Variants in KRT73 observed in about 807,000 individuals in gnomAD.
The protein encoded by KRT73 is keratin, type II cytoskeletal 73.
A neutral mutation model predicts 47.2 loss-of-function variants in KRT73; 44 were observed. That is an observed-to-expected ratio of 0.93 (90% CI 0.73 to 1.20). The LOEUF (loss-of-function observed/expected upper bound fraction) is 1.20, where lower values mean the gene tolerates loss of function less well. KRT73 is among the 50% of genes most tolerant of loss of function. The pLI, the probability that KRT73 is intolerant of heterozygous loss-of-function variation, is 0.00. For missense variants in KRT73, 713 were observed against 704.5 expected, an observed-to-expected ratio of 1.01 and a Z score of -0.14; for synonymous variants, 285 against 291.3, an observed-to-expected ratio of 0.98 and a Z score of 0.22.
At chr12:52,615,033 C>T (rs981838335) in intron 3 of KRT73, 9 of 539,782 alleles carry the variant, frequency 1.7e-5, no homozygotes, top group Non-Finnish European at 2.3e-5. Flanking sequence ...CTGTCCTGTT[C>T]CCCAGCCAGA....
chr12:52,625,219 T>C, the KRT73 span, among the ~76,000 whole-genome samples: 1 of 152,084 alleles, frequency 6.6e-6, no homozygotes, highest in Admixed American at 6.6e-5. Flanking sequence ...AGCAATGGAC[T>C]AGGAAAAATT....
At chr12:52,617,996 T>C (rs886442761) in intron 1 of KRT73, 82 bp downstream of exon 1, 60 of 1,447,926 alleles carry the variant, frequency 4.1e-5, no homozygotes, top group Non-Finnish European at 5.6e-5. Flanking sequence ...CTCAGGCAAA[T>C]TGAACCACAA....
intron 1 of KRT73, among the ~76,000 whole-genome samples, chr12:52,616,826 C>T (rs1034449879): frequency 2.6e-5 from 4 of 152,194 alleles, no homozygotes; most frequent in African/African-American, 7.2e-5. Context: ...TGCGTGGGCT[C>T]TCCCAGCCCA....
At chr12:52,609,328 A>C (rs757067251) in intron 7 of KRT73, 47 bp from the exon 8 acceptor site, 1 of 1,543,234 alleles carries the variant, frequency 6.5e-7, no homozygotes, top group Non-Finnish European at 9.0e-7. Flanking sequence ...GTGGACTCCC[A>C]TAGTGGCCCT....
At chr12:52,626,732 C>G in the KRT73 span, among the ~76,000 whole-genome samples, 4 of 152,314 alleles carry the variant, frequency 2.6e-5, no homozygotes, top group Admixed American at 1.3e-4. Context: ...AGCAAGCATT[C>G]TTGCCATTGT....
upstream of KRT73, among the ~76,000 whole-genome samples, chr12:52,619,410 G>A (rs757845495): frequency 7.2e-4 from 110 of 152,300 alleles, no homozygotes; most frequent in Non-Finnish European, 1.3e-3. Context: ...AATTGAGGAT[G>A]TCATTCCTTT....
chr12:52,626,038 C>T, the KRT73 span, among the ~76,000 whole-genome samples: 2 of 152,064 alleles, frequency 1.3e-5, no homozygotes, highest in African/African-American at 2.4e-5. Context: ...CAAATGAGGA[C>T]AACATGAGGG....
At chr12:52,618,938 C>T (rs1018878982), upstream of KRT73, among the ~76,000 whole-genome samples, 2 of 152,206 alleles carry the variant, frequency 1.3e-5, no homozygotes, top group African/African-American at 4.8e-5. Flanking sequence ...ATCTCACAAC[C>T]ATGCCAGCAT....
At chr12:52,612,306 G>C in intron 5 of KRT73, 1 of 152,170 alleles carries the variant, frequency 6.6e-6, no homozygotes, top group East Asian at 1.9e-4. Context: ...ACTAATTCGG[G>C]ATTATTTCTG....
chr12:52,627,997 G>T, the KRT73 span, among the ~76,000 whole-genome samples: 1 of 152,160 alleles, frequency 6.6e-6, no homozygotes, highest in Admixed American at 6.5e-5. Context: ...TCTTATTAGT[G>T]AATATTTTTA....
chr12:52,618,034 C>T (rs777336783), intron 1 of KRT73, 44 bp downstream of exon 1: 1 of 1,591,880 alleles, frequency 6.3e-7, no homozygotes, highest in Non-Finnish European at 8.6e-7. Context: ...CTCCTGAGTC[C>T]TTAAAAGGGG....
chr12:52,614,951 G>A (rs185590050), intron 3 of KRT73: 7,888 of 525,538 alleles, frequency 0.015, 86 homozygotes, highest in Non-Finnish European at 0.018. Flanking sequence ...AACAGAGGGA[G>A]GCAAGGACAG....
intron 5 of KRT73, among the ~76,000 whole-genome samples, chr12:52,611,722 G>T (rs893493723): frequency 2.6e-5 from 4 of 152,080 alleles, no homozygotes; most frequent in African/African-American, 9.7e-5. Context: ...CCCAAGCTCG[G>T]CCAAACAGTC....
chr12:52,612,112 T>A (rs1413443859), intron 5 of KRT73, among the ~76,000 whole-genome samples: 1 of 152,178 alleles, frequency 6.6e-6, no homozygotes, highest in Non-Finnish European at 1.5e-5. Context: ...AGTGAGCCAA[T>A]GAGCTGTCCA....
chr12:52,629,927 ACT>A, the KRT73 span, among the ~76,000 whole-genome samples: 1 of 150,928 alleles, frequency 6.6e-6, no homozygotes, highest in Non-Finnish European at 1.5e-5. Context: ...AAACACTCAC[ACT>A]CTCCCAGGCC....
Position 52,615,435 on chromosome 12 carries a change from G to A in KRT73, c.663-96C>T, listed in dbSNP as rs138522977. Reference sequence around the variant, plus strand: ...GAGAAAAGAGATACCCATATTATATGCCTTTTAAGAGGTATTATTCTATAC... The same window carrying A: ...GAGAAAAGAGATACCCATATTATATACCTTTTAAGAGGTATTATTCTATAC... On this transcript the variant is annotated intron_variant, in intron 2 of 8. Coordinates refer to ENST00000305748, the MANE Select transcript of KRT73 (RefSeq NM_175068.3). 3.5e-4 allele frequency: 339 copies of A among 963,778 alleles called. 2 individuals carry two copies. The East Asian group carries it at 7.0e-3, about 20-fold the overall frequency. 59.7% of individuals were successfully genotyped at this position (963,778 alleles called of 1,614,324 possible). A position where few individuals can be genotyped will look rare whatever the true frequency, so the allele number is the denominator to read the frequency against.
upstream of KRT73, among the ~76,000 whole-genome samples, chr12:52,618,881 A>G (rs991693880): frequency 2.6e-5 from 4 of 152,196 alleles, no homozygotes; most frequent in Non-Finnish European, 5.9e-5. Flanking sequence ...CTGGGATTGT[A>G]GGGGTACAGA....
At chr12:52,621,495 G>A (rs1163909617), upstream of KRT73, among the ~76,000 whole-genome samples, 1 of 152,022 alleles carries the variant, frequency 6.6e-6, no homozygotes, top group East Asian at 1.9e-4. Context: ...ACACCAACAG[G>A]GACCTCAGGA....
chr12:52,629,941 C>G, the KRT73 span, among the ~76,000 whole-genome samples: 1 of 151,780 alleles, frequency 6.6e-6, no homozygotes, highest in Admixed American at 6.6e-5. Context: ...TCCCAGGCCC[C>G]TCAACCTGTA....
Sources: allele counts gnomAD v4.1 joint callset (sites outside exome capture counted in the v4.1 genomes callset), GRCh38; gene constraint gnomAD v4.1.1; transcripts MANE v1.5; gene names NCBI Gene and HGNC (gene_info 2026-07-23, HGNC 2026-07-21).